TOX3: variants seen among roughly 807,000 people sequenced by gnomAD.
TOX3 encodes the protein CAG trinucleotide repeat-containing gene F9 protein.
Under a neutral mutation model 64.3 loss-of-function variants are expected in TOX3, and 22 were observed. That is an observed-to-expected ratio of 0.34 (90% CI 0.24 to 0.49). The LOEUF (loss-of-function observed/expected upper bound fraction) is 0.49, where lower values mean the gene tolerates loss of function less well. Among genes scored for constraint, TOX3 ranks in the 20% least tolerant of loss-of-function variants. TOX3 has a pLI of 0.99. For missense variants in TOX3, 661 were observed against 714.4 expected (o/e 0.93, Z 0.85); for synonymous variants, 291 against 273.6 (o/e 1.06, Z -0.63).
chr16:52,478,801 G>A (rs573712627), intron 1 of TOX3, among the ~76,000 whole-genome samples: 1 of 152,212 alleles, frequency 6.6e-6, no homozygotes, highest in East Asian at 1.9e-4. Context: ...AACTATATGG[G>A]ACTGGGCTTT....
upstream of TOX3, chr16:52,547,678 T>A (rs1963231423): frequency 6.6e-6 from 1 of 152,166 alleles, no homozygotes; most frequent in East Asian, 2.0e-4. Context: ...TGCACGAGTG[T>A]CTCCCGGTAG....
chr16:52,450,735 G>A (rs921781809), intron 3 of TOX3, among the ~76,000 whole-genome samples, 189 bp from the exon 4 acceptor site: 4 of 146,532 alleles, frequency 2.7e-5, no homozygotes, highest in Non-Finnish European at 5.9e-5. Flanking sequence ...AAGTTGAGAA[G>A]CACAAAATCC....
intron 1 of TOX3, among the ~76,000 whole-genome samples, chr16:52,474,769 TA>T (rs1961159027): frequency 6.6e-6 from 1 of 152,004 alleles, no homozygotes; most frequent in Non-Finnish European, 1.5e-5. Flanking sequence ...AGGGAGGCAG[TA>T]AATCTAACTC....
At chr16:52,515,788 A>C (rs1249657382) in intron 1 of TOX3, among the ~76,000 whole-genome samples, 1 of 152,202 alleles carries the variant, frequency 6.6e-6, no homozygotes, top group Non-Finnish European at 1.5e-5. Context: ...CCTTTTAAGG[A>C]TATCTATAGC....
Position 52,450,693 on chromosome 16 carries a change from A to G in TOX3, c.409-147T>C, listed in dbSNP as rs1960313962. ...GCAGGATGATGGTCTCCGTTCATTTATTAAATATAAGGACCCATGCCAAGA... is the reference window on the plus strand; with the variant it reads ...GCAGGATGATGGTCTCCGTTCATTTGTTAAATATAAGGACCCATGCCAAGA... On this transcript the variant is annotated intron_variant, in intron 3 of 6. Coordinates refer to ENST00000219746, the MANE Select transcript of TOX3 (RefSeq NM_001080430.4). 3 of 1,021,220 alleles carry G rather than the reference A, an allele frequency of 2.9e-6. No individual in the cohort carries two copies. The South Asian group carries it at 5.0e-5, about 17-fold the overall frequency. 63.3% of individuals were successfully genotyped at this position (1,021,220 alleles called of 1,614,324 possible).
chr16:52,495,074 T>A (rs1261225966), intron 1 of TOX3, among the ~76,000 whole-genome samples: 1 of 152,236 alleles, frequency 6.6e-6, no homozygotes, highest in Non-Finnish European at 1.5e-5. Flanking sequence ...TATAAGGTCC[T>A]TCTCTACATT....
At chr16:52,541,539 C>A (rs1242949060) in intron 1 of TOX3, among the ~76,000 whole-genome samples, 1 of 152,114 alleles carries the variant, frequency 6.6e-6, no homozygotes, top group Non-Finnish European at 1.5e-5. Flanking sequence ...AAGCTGGAAT[C>A]CAGATTTATA....
rs377497581 is a variant in TOX3, at chr16:52,450,829, G to T, written c.409-283C>A. ...GGAAGGAAGGAAGGAAGGAAGGAAG[G>T]AAGGAAGGAAGGAAGGAAGGAAGGA... On this transcript the variant is annotated intron_variant, in intron 3 of 6. Transcript: ENST00000219746. Among the ~76,000 whole-genome samples, 17 of 67,482 alleles carry T rather than the reference G, an allele frequency of 2.5e-4. No individual in the cohort carries two copies. In the East Asian group the frequency reaches 2.9e-3, roughly 11 times the overall value. 44.3% of individuals were successfully genotyped at this position (67,482 alleles called of 152,430 possible).
At chr16:52,536,152 C>A (rs888053136) in intron 1 of TOX3, among the ~76,000 whole-genome samples, 1 of 152,148 alleles carries the variant, frequency 6.6e-6, no homozygotes, top group African/African-American at 2.4e-5. Flanking sequence ...ACCCCCTATC[C>A]TCATGAAGTT....
intron 6 of TOX3, among the ~76,000 whole-genome samples, chr16:52,440,284 T>A (rs1037299555): frequency 3.9e-5 from 6 of 152,106 alleles, no homozygotes; most frequent in Non-Finnish European, 7.4e-5. Flanking sequence ...TGTGGCCCAA[T>A]TACCCCCCTC....
At chr16:52,514,867 C>G (rs45578831) in intron 1 of TOX3, among the ~76,000 whole-genome samples, 2 of 151,624 alleles carry the variant, frequency 1.3e-5, no homozygotes, top group Admixed American at 6.6e-5. Context: ...AAAAATCAGC[C>G]GGGCATGGTG....
intron 1 of TOX3, among the ~76,000 whole-genome samples, chr16:52,470,455 A>G (rs1218510833): frequency 6.6e-6 from 1 of 152,224 alleles, no homozygotes; most frequent in Non-Finnish European, 1.5e-5. Flanking sequence ...TTAAGATTAA[A>G]CTTACTTATT....
intron 1 of TOX3, among the ~76,000 whole-genome samples, chr16:52,495,676 C>A (rs756361091): frequency 1.1e-4 from 16 of 152,184 alleles, no homozygotes; most frequent in Non-Finnish European, 1.6e-4. Context: ...ACTACCACCA[C>A]GGTGTTAACA....
In TOX3 at chr16:52,490,382, A is replaced by G. The variant is rs1225762206; in HGVS notation, c.88-21808T>C. ...CTTCATAAATTACCCAGCCTCATGT[A>G]GTTCTTTATAGCAGTGTGAGAATGG... On this transcript the variant is annotated intron_variant, in intron 1 of 6. Transcript: ENST00000219746. Among the ~76,000 whole-genome samples, 3 of 152,100 alleles carry G rather than the reference A, an allele frequency of 2.0e-5. No individual in the cohort carries two copies. The East Asian group carries it at 5.8e-4, about 29-fold the overall frequency.
intron 1 of TOX3, among the ~76,000 whole-genome samples, chr16:52,518,264 G>A (rs1030252101): frequency 3.3e-5 from 5 of 152,146 alleles, no homozygotes; most frequent in African/African-American, 1.2e-4. Context: ...AAAGGCATAT[G>A]TTATTACAGT....
chr16:52,448,396 G>A (rs1043312082), intron 4 of TOX3, among the ~76,000 whole-genome samples: 4 of 152,222 alleles, frequency 2.6e-5, no homozygotes, highest in South Asian at 4.2e-4. Flanking sequence ...ATCAGCGGAC[G>A]TGTGATTGGA....
In TOX3 at chr16:52,450,412, C is replaced by G; in HGVS notation, c.543G>C (p.Gln181His). 6.2e-7 allele frequency: 1 copy of G among 1,613,998 alleles called. No individual in the cohort carries two copies. The highest frequency in any genetic ancestry group is 8.5e-7 in the Non-Finnish European group (1 of 1,179,880). Residue 181 changes from glutamine to histidine, a missense_variant, in exon 4 of 7, where the codon CAG (glutamine) becomes CAC (histidine). By Grantham distance (24) the Gln-to-His change is conservative (BLOSUM62 0). Coordinates refer to ENST00000219746, the MANE Select transcript of TOX3 (RefSeq NM_001080430.4). ...PAQLTTINQS[Q>H]LSAQLGLNLG... ...AATTCAACCCCAACTGGGCGCTGAG[C>G]TGAGACTGGTTGATGGTGGTGAGCT... is the stretch of plus-strand genomic sequence containing the variant.
intron 3 of TOX3, among the ~76,000 whole-genome samples, chr16:52,455,253 C>T (rs1220164793): frequency 6.6e-6 from 1 of 152,028 alleles, no homozygotes; most frequent in African/African-American, 2.4e-5. Flanking sequence ...AAGAGTTTCT[C>T]AGCCTGAGTG....
intron 1 of TOX3, among the ~76,000 whole-genome samples, chr16:52,489,129 C>T (rs758047757): frequency 2.5e-4 from 38 of 152,136 alleles, no homozygotes; most frequent in Non-Finnish European, 4.6e-4. Context: ...TTCTGAATCC[C>T]ACTCCACCAT....
Sources: gnomAD v4.1 joint callset for allele counts (sites outside exome capture counted in the v4.1 genomes callset) on GRCh38, gnomAD v4.1.1 for gene constraint, MANE v1.5 for transcripts, NCBI Gene and HGNC (gene_info 2026-07-23, HGNC 2026-07-21) for gene names.